Variants in CLOCK observed in about 807,000 individuals in gnomAD.
The protein encoded by CLOCK is circadian locomoter output cycles protein kaput.
In CLOCK, 43 loss-of-function variants were observed where a neutral mutation model predicts 118.4. That is an observed-to-expected ratio of 0.36 (90% CI 0.28 to 0.47). CLOCK has a LOEUF of 0.47. CLOCK is among the 20% of genes least tolerant of loss of function. The pLI, the probability that CLOCK is intolerant of heterozygous loss-of-function variation, is 1.00. For missense variants in CLOCK, 846 were observed against 999.9 expected, an observed-to-expected ratio of 0.85 and a Z score of 2.08; for synonymous variants, 326 against 339.2, an observed-to-expected ratio of 0.96 and a Z score of 0.43.
intron 7 of CLOCK, among the ~76,000 whole-genome samples, chr4:55,471,544 G>T (rs1726144417): frequency 2.0e-5 from 3 of 152,154 alleles, no homozygotes; most frequent in Admixed American, 2.0e-4. Flanking sequence ...TAGGAATAAA[G>T]AAAAGTACTT....
At position 55,522,504 on chromosome 4, in the gene CLOCK, TAA is replaced by T. The variant is rs77210975; in HGVS notation, c.-289-12441_-289-12440del. On this transcript the variant is annotated intron_variant, in intron 1 of 22. Transcript: ENST00000513440. ...CAACCAGTAATAAACTGTTTTTTTT[TAA>T]AAAAAAAAGAAGCATAAAGAACGAA... Among the ~76,000 whole-genome samples the T allele has an allele frequency of 2.8e-3, 412 of 147,948 alleles. 3 individuals carry two copies. Among genetic ancestry groups the T allele is most frequent in the African/African-American group, 0.01 (407 of 40,554 alleles).
intron 3 of CLOCK, 44 bp from the exon 4 acceptor site, chr4:55,482,872 T>C (rs1727027425): frequency 1.1e-6 from 1 of 938,864 alleles, no homozygotes; most frequent in South Asian, 1.5e-5. Context: ...TTTCTAAAAA[T>C]GTTACTTCCA....
intron 4 of CLOCK, among the ~76,000 whole-genome samples, chr4:55,480,910 G>C (rs1017950103): frequency 7.4e-6 from 1 of 134,942 alleles, no homozygotes; most frequent in Non-Finnish European, 1.6e-5. Context: ...AAAGAGATGA[G>C]TTTTAATTTT....
At position 55,442,474 on chromosome 4, in the gene CLOCK, T is replaced by G; in HGVS notation, c.2063A>C (p.Gln688Pro). ...AGTGAATGTAGTTACTGCAGCACTC[T>G]GGGTGCTGTTTTGTGGCATACTAGA... is the stretch of plus-strand genomic sequence containing the variant. ...IPSSMPQNST[Q>P]SAAVTTFTQD... is the part of the protein sequence containing the mutation. The change falls in exon 21 of 23, where the codon CAG (glutamine) becomes CCG (proline). Residue 688 changes from glutamine to proline, a missense_variant. Gln to Pro is a moderately conservative substitution (Grantham distance 76, BLOSUM62 -1). This residue lies in a region of CLOCK where 520 missense variants were observed against 558.0 expected (regional missense o/e 0.93). Transcript: ENST00000513440. 2.5e-6 allele frequency: 4 copies of G among 1,607,324 alleles called. No individual in the cohort carries two copies. Among genetic ancestry groups the G allele is most frequent in the Non-Finnish European group, 3.4e-6 (4 of 1,178,500 alleles).
intron 1 of CLOCK, among the ~76,000 whole-genome samples, chr4:55,541,467 G>T (rs1421276298): frequency 6.6e-6 from 1 of 152,118 alleles, no homozygotes; most frequent in Non-Finnish European, 1.5e-5. Context: ...AACATCAAAA[G>T]GTTTAGCTAC....
At chr4:55,480,877 T>C (rs1382475056) in intron 4 of CLOCK, among the ~76,000 whole-genome samples, 8 of 124,094 alleles carry the variant, frequency 6.4e-5, no homozygotes, top group Non-Finnish European at 1.3e-4. Flanking sequence ...GCCAACAGAG[T>C]GAGACTCTGT....
At chr4:55,461,764 T>TA (rs1414182066) in intron 9 of CLOCK, among the ~76,000 whole-genome samples, 1 of 152,216 alleles carries the variant, frequency 6.6e-6, no homozygotes, top group African/African-American at 2.4e-5. Context: ...GTCTTCTTCC[T>TA]AGCCTTCTCC....
Position 55,450,151 on chromosome 4 carries a change from G to T in CLOCK, c.1288C>A (p.Pro430Thr). The change falls in exon 16 of 23, where the codon CCT becomes ACT. Residue 430 changes from proline to threonine, a missense_variant. This residue lies in a region of CLOCK where 520 missense variants were observed against 558.0 expected (regional missense o/e 0.93). Transcript: ENST00000513440. ...CTTGAACTCCGAGAAGAGGCAGAAGGGGTTGGGCTGTGATCAAACCTTTCC... is the reference window on the plus strand; with the variant it reads ...CTTGAACTCCGAGAAGAGGCAGAAGTGGTTGGGCTGTGATCAAACCTTTCC... ...ALERFDHSPT[P>T]SASSRSSRKS... 1.2e-6 allele frequency: 2 copies of T among 1,614,038 alleles called. No homozygotes were observed. Among genetic ancestry groups the T allele is most frequent in the South Asian group, 2.2e-5 (2 of 91,066 alleles).
chr4:55,508,014 T>C (rs1166952587), intron 2 of CLOCK, among the ~76,000 whole-genome samples: 1 of 152,182 alleles, frequency 6.6e-6, no homozygotes, highest in Admixed American at 6.5e-5. Context: ...CCGAGTCACA[T>C]AACTAAGTGT....
chr4:55,519,562 A>G (rs971580709), intron 1 of CLOCK, among the ~76,000 whole-genome samples: 7 of 152,112 alleles, frequency 4.6e-5, no homozygotes, highest in African/African-American at 1.4e-4. Flanking sequence ...CAAGGTGGGC[A>G]GATCACCTGA....
intron 4 of CLOCK, 109 bp from the exon 5 acceptor site, chr4:55,479,808 T>G: frequency 1.2e-6 from 1 of 854,146 alleles, no homozygotes; most frequent in South Asian, 1.4e-5. Context: ...GTAAAGTTAA[T>G]GAGTTATAAC....
At position 55,435,436 on chromosome 4, in the gene CLOCK, A is replaced by G; in HGVS notation, c.2520T>C (p.Pro840=). Residue 840 remains proline (P), a synonymous_variant, in exon 23 of 23, where the codon CCT becomes CCC. Transcript: ENST00000513440. ...TGTGCTACTGTGGTTGAACCTTGGA[A>G]GGGTCGGGCAAGCTGTCAGTCCTGT... ...SRHRTDSLPD[P]SKVQPQ 13 of 1,613,946 alleles carry G rather than the reference A, an allele frequency of 8.1e-6. No individual in the cohort carries two copies. Among genetic ancestry groups the G allele is most frequent in the Non-Finnish European group, 1.1e-5 (13 of 1,179,898 alleles).
At chr4:55,477,851 G>C (rs1363301564) in intron 6 of CLOCK, among the ~76,000 whole-genome samples, 3 of 151,884 alleles carry the variant, frequency 2.0e-5, no homozygotes, top group African/African-American at 7.3e-5. Flanking sequence ...AAGGGGAGGA[G>C]AAAGTACAAT....
At chr4:55,489,637 T>G (rs996448290) in intron 2 of CLOCK, among the ~76,000 whole-genome samples, 172 bp from the exon 3 acceptor site, 1 of 152,050 alleles carries the variant, frequency 6.6e-6, no homozygotes, top group Non-Finnish European at 1.5e-5. Context: ...ACTTAAAACA[T>G]GAATAAACTA....
chr4:55,459,292 A>T, intron 9 of CLOCK, 31 bp from the exon 10 acceptor site: 1 of 1,278,980 alleles, frequency 7.8e-7, no homozygotes, highest in Non-Finnish European at 1.1e-6. Context: ...AAAATCACAT[A>T]TTTCTGATAT....
chr4:55,498,603 C>CTTACTA (rs1553899408), intron 2 of CLOCK, among the ~76,000 whole-genome samples: 1 of 148,636 alleles, frequency 6.7e-6, no homozygotes, highest in South Asian at 2.1e-4. Flanking sequence ...TATCTAGTTC[C>CTTACTA]TTATTATTAT....
intron 2 of CLOCK, among the ~76,000 whole-genome samples, chr4:55,503,823 G>C (rs1162962900): frequency 6.6e-6 from 1 of 151,990 alleles, no homozygotes; most frequent in Admixed American, 6.6e-5. Flanking sequence ...GAGGTCAACA[G>C]AAAGTCTAGC....
chr4:55,541,371 T>C (rs767065182), intron 1 of CLOCK, among the ~76,000 whole-genome samples: 14 of 152,288 alleles, frequency 9.2e-5, no homozygotes, highest in Non-Finnish European at 1.8e-4. Flanking sequence ...AAGGAGAAAA[T>C]GCAACAGCCA....
At chr4:55,479,614 C>T in intron 5 of CLOCK, 26 bp downstream of exon 5, 2 of 1,548,736 alleles carry the variant, frequency 1.3e-6, no homozygotes, top group Non-Finnish European at 1.8e-6. Flanking sequence ...CATTCATTTA[C>T]TATTTTATAT....
Sources: gnomAD v4.1 joint callset for allele counts (sites outside exome capture counted in the v4.1 genomes callset) on GRCh38, gnomAD v4.1.1 for gene constraint, gnomAD v4.1.1 regional missense constraint, MANE v1.5 for transcripts, NCBI Gene and HGNC (gene_info 2026-07-23, HGNC 2026-07-21) for gene names.